The following TRIO variants were observed in gnomAD, a reference collection of about 807,000 sequenced individuals.
The protein encoded by TRIO is triple functional domain protein.
TRIO carries 58 observed loss-of-function variants against 351.9 expected under a neutral mutation model. That is an observed-to-expected ratio of 0.16 (90% confidence interval 0.13 to 0.21). The LOEUF is 0.21. Among genes scored for constraint, TRIO ranks in the 10% least tolerant of loss-of-function variants. TRIO has a pLI of 1.00. For synonymous variants in TRIO, 1,758 were observed against 1,595.7 expected, an observed-to-expected ratio of 1.10 and a Z score of -2.42; for missense variants, 3,201 against 4,027.8, an observed-to-expected ratio of 0.79 and a Z score of 5.56.
In TRIO at chr5:14,390,258, T is replaced by C; in HGVS notation, c.4086T>C (p.Tyr1362=). ...TATTCCTAAAGGAGCTGGAAAAATA[T>C]GAACAGTTGCCAGAGGATGTTGGAC... ...NNIFLKELEK[Y]EQLPEDVGHC... The change falls in exon 26 of 57, where the codon TAT becomes TAC. Residue 1362 remains tyrosine, a synonymous_variant. Transcript: ENST00000344204. 1.9e-6 allele frequency: 3 copies of C among 1,614,054 alleles called. No homozygotes were observed. The highest frequency in any genetic ancestry group is 1.1e-5 in the South Asian group (1 of 91,028).
chr5:14,474,130 C>T (rs371545598), intron 40 of TRIO, 33 bp downstream of exon 40: 3 of 1,589,368 alleles, frequency 1.9e-6, no homozygotes, highest in Non-Finnish European at 1.7e-6. Context: ...CGATGGTGTG[C>T]AAAGCAGCCA....
intron 1 of TRIO, among the ~76,000 whole-genome samples, chr5:14,212,231 G>A (rs1447169337): frequency 6.6e-6 from 1 of 152,158 alleles, no homozygotes; most frequent in African/African-American, 2.4e-5. Context: ...ATTATAAACA[G>A]GTGGCATGGA....
At chr5:14,350,442 AGAC>A (rs1263324064) in intron 11 of TRIO, among the ~76,000 whole-genome samples, 2 of 152,342 alleles carry the variant, frequency 1.3e-5, no homozygotes, top group East Asian at 3.9e-4. Flanking sequence ...TTCTTCTTTT[AGAC>A]TTGATACTGT....
chr5:14,234,311 A>T (rs535986018), intron 1 of TRIO, among the ~76,000 whole-genome samples: 3 of 152,226 alleles, frequency 2.0e-5, no homozygotes, highest in Admixed American at 6.5e-5. Context: ...GGTGCCGGGC[A>T]GTAGAGACCT....
intron 8 of TRIO, 74 bp from the exon 9 acceptor site, chr5:14,316,439 C>T: frequency 6.7e-7 from 1 of 1,495,262 alleles, no homozygotes; most frequent in Non-Finnish European, 9.2e-7. Flanking sequence ...CACATGTATC[C>T]AAGGACAGCA....
chr5:14,182,747 C>G (rs1231736367), intron 1 of TRIO, among the ~76,000 whole-genome samples: 1 of 152,274 alleles, frequency 6.6e-6, no homozygotes, highest in Non-Finnish European at 1.5e-5. Context: ...CCCTTAATTT[C>G]TCCTGACAGG....
At chr5:14,285,968 A>G (rs966854286) in intron 3 of TRIO, among the ~76,000 whole-genome samples, 1 of 152,116 alleles carries the variant, frequency 6.6e-6, no homozygotes, top group Non-Finnish European at 1.5e-5. Flanking sequence ...GCGACTAAGT[A>G]TTTTTTTAAC....
chr5:14,279,494 G>A (rs1735807873), intron 2 of TRIO, among the ~76,000 whole-genome samples: 1 of 152,168 alleles, frequency 6.6e-6, no homozygotes, highest in Non-Finnish European at 1.5e-5. Context: ...AAAACTAAAT[G>A]AAGGATCCAC....
chr5:14,405,132 C>A (rs1231210667), intron 31 of TRIO, among the ~76,000 whole-genome samples: 1 of 151,020 alleles, frequency 6.6e-6, no homozygotes, highest in African/African-American at 2.4e-5. Context: ...CGTGCGTGCT[C>A]AGTCTGCAGG....
At chr5:14,343,529 C>CT (rs202042797) in intron 11 of TRIO, among the ~76,000 whole-genome samples, 65 of 152,120 alleles carry the variant, frequency 4.3e-4, no homozygotes, top group Middle Eastern at 6.8e-3. Flanking sequence ...TTTGAGATGG[C>CT]TTTTTTTTAA....
chr5:14,256,098 C>T (rs1795008013), intron 1 of TRIO, among the ~76,000 whole-genome samples: 1 of 152,172 alleles, frequency 6.6e-6, no homozygotes, highest in Admixed American at 6.5e-5. Flanking sequence ...GTTCTGCAGG[C>T]TGTGTAGGAA....
intron 1 of TRIO, among the ~76,000 whole-genome samples, chr5:14,158,541 T>G (rs961050349): frequency 6.6e-6 from 1 of 152,114 alleles, no homozygotes; most frequent in Non-Finnish European, 1.5e-5. Flanking sequence ...TGGAATTAGA[T>G]AGTGATGAGG....
At chr5:14,309,888 A>AT (rs1302404812) in intron 8 of TRIO, among the ~76,000 whole-genome samples, 7 of 150,896 alleles carry the variant, frequency 4.6e-5, no homozygotes, top group South Asian at 4.2e-4. Flanking sequence ...TTTCTCTACA[A>AT]TTTTTTTTCT....
At chr5:14,493,438 A>AT (rs1392752186) in intron 49 of TRIO, among the ~76,000 whole-genome samples, 1 of 152,038 alleles carries the variant, frequency 6.6e-6, no homozygotes, top group African/African-American at 2.4e-5. Context: ...GCATTTTGTT[A>AT]TTGTATTTGT....
intron 1 of TRIO, among the ~76,000 whole-genome samples, chr5:14,224,321 T>G (rs1374836957): frequency 6.6e-6 from 1 of 152,184 alleles, no homozygotes; most frequent in African/African-American, 2.4e-5. Context: ...AATTAAATTC[T>G]AAAATAGTTT....
chr5:14,374,509 T>G (rs543202952), intron 19 of TRIO, among the ~76,000 whole-genome samples, 166 bp downstream of exon 19: 1 of 152,352 alleles, frequency 6.6e-6, no homozygotes, highest in South Asian at 2.1e-4. Context: ...ATAAAAAGAT[T>G]AAACAAATTT....
At chr5:14,176,052 C>T (rs968946239) in intron 1 of TRIO, among the ~76,000 whole-genome samples, 3 of 152,172 alleles carry the variant, frequency 2.0e-5, no homozygotes, top group African/African-American at 7.2e-5. Context: ...GTCTGTAATT[C>T]CAGCACTTTG....
intron 33 of TRIO, among the ~76,000 whole-genome samples, chr5:14,407,791 G>A (rs1186743658): frequency 6.6e-6 from 1 of 152,196 alleles, no homozygotes; most frequent in African/African-American, 2.4e-5. Flanking sequence ...GGAATCCTGG[G>A]TTTACGTGAT....
At chr5:14,358,041 C>T in intron 11 of TRIO, 137 bp from the exon 12 acceptor site, 3 of 1,067,406 alleles carry the variant, frequency 2.8e-6, no homozygotes, top group Non-Finnish European at 4.0e-6. Context: ...CCTTCCTTCC[C>T]TCCGGGAGTG....
Sources: allele counts gnomAD v4.1 joint callset (sites outside exome capture counted in the v4.1 genomes callset), GRCh38; gene constraint gnomAD v4.1.1; transcripts MANE v1.5; gene names NCBI Gene and HGNC (gene_info 2026-07-23, HGNC 2026-07-21).